TENM3: variants seen among roughly 807,000 people sequenced by gnomAD.
The protein encoded by TENM3 is teneurin transmembrane protein 3.
In TENM3, 63 loss-of-function variants were observed where a neutral mutation model predicts 255.1. The observed-to-expected ratio is 0.25, with a 90% CI of 0.20 to 0.30. The LOEUF (loss-of-function observed/expected upper bound fraction) is 0.30. Ranked by LOEUF, TENM3 falls within the 10% of genes least tolerant of loss-of-function variation. The pLI, the probability that TENM3 is intolerant of heterozygous loss-of-function variation, is 1.00. For synonymous variants in TENM3, 1,306 were observed against 1,322.3 expected, an observed-to-expected ratio of 0.99 and a Z score of 0.27; for missense variants, 2,929 against 3,461.1, an observed-to-expected ratio of 0.85 and a Z score of 3.86.
At chr4:182,214,962 C>T (rs1755354666) in intron 1 of TENM3, among the ~76,000 whole-genome samples, 1 of 152,162 alleles carries the variant, frequency 6.6e-6, no homozygotes, top group Non-Finnish European at 1.5e-5. Context: ...TATTCTAACA[C>T]CCTTTAACAA....
At chr4:182,603,898 C>A (rs1179898591) in intron 4 of TENM3, among the ~76,000 whole-genome samples, 1 of 151,744 alleles carries the variant, frequency 6.6e-6, no homozygotes, top group Middle Eastern at 3.2e-3. Flanking sequence ...CTATATTTTT[C>A]TCTTAGTTCC....
Position 182,207,784 on chromosome 4 carries a change from A to C in TENM3, c.-76+63030A>C, listed in dbSNP as rs181940402. On this transcript the variant is annotated intron_variant, in intron 1 of 2. Coordinates refer to the TENM3 transcript ENST00000512480. Reference sequence around the variant, plus strand: ...TAAAAATGCCGATTTTCTGGAAAACAGGAATTTATTATTGTCATCACTTTA... The same window carrying C: ...TAAAAATGCCGATTTTCTGGAAAACCGGAATTTATTATTGTCATCACTTTA... Among the ~76,000 whole-genome samples, 72 of 152,366 alleles carry C rather than the reference A, an allele frequency of 4.7e-4. 1 individual carries two copies. The highest frequency in any genetic ancestry group is 9.8e-4 in the Non-Finnish European group (67 of 68,038).
At chr4:182,626,621 G>C (rs564240840) in intron 4 of TENM3, among the ~76,000 whole-genome samples, 21 of 152,116 alleles carry the variant, frequency 1.4e-4, no homozygotes, top group Non-Finnish European at 2.9e-4. Flanking sequence ...AACTCAGACA[G>C]TGTTGTTTCA....
the TENM3 span, chr4:181,523,048 G>A: frequency 1.7e-6 from 1 of 595,904 alleles, no homozygotes; most frequent in African/African-American, 1.8e-5. Context: ...ATCGCAAACG[G>A]ACTCAGATTA....
chr4:181,718,027 G>C, the TENM3 span, among the ~76,000 whole-genome samples: 1 of 152,104 alleles, frequency 6.6e-6, no homozygotes, highest in South Asian at 2.1e-4. Flanking sequence ...TGCTAACTGA[G>C]AACACTGGGC....
At chr4:182,020,854 G>C in the TENM3 span, among the ~76,000 whole-genome samples, 2 of 151,992 alleles carry the variant, frequency 1.3e-5, no homozygotes, top group African/African-American at 4.8e-5. Context: ...AGCCTCACCT[G>C]GTACCACATC....
the TENM3 span, among the ~76,000 whole-genome samples, chr4:181,659,891 C>T: frequency 2.6e-5 from 4 of 152,184 alleles, no homozygotes; most frequent in South Asian, 6.2e-4. Context: ...TACAGAAAGA[C>T]GCTTTGAAAA....
the TENM3 span, among the ~76,000 whole-genome samples, chr4:181,704,796 G>A: frequency 6.6e-6 from 1 of 152,114 alleles, no homozygotes; most frequent in Admixed American, 6.5e-5. Flanking sequence ...ACTTTGGGGG[G>A]CCGAGGCGGG....
At chr4:181,482,745 T>C in the TENM3 span, among the ~76,000 whole-genome samples, 7 of 152,160 alleles carry the variant, frequency 4.6e-5, no homozygotes, top group Admixed American at 3.3e-4. Flanking sequence ...GCATATGTTT[T>C]GTCTCTGTAT....
chr4:181,834,950 A>G, the TENM3 span: 1 of 152,132 alleles, frequency 6.6e-6, no homozygotes, highest in African/African-American at 2.4e-5. Flanking sequence ...TCTGTAATAT[A>G]TTTTTTTAAA....
chr4:182,490,819 G>C (rs1378068114), intron 3 of TENM3, among the ~76,000 whole-genome samples: 1 of 152,158 alleles, frequency 6.6e-6, no homozygotes. Flanking sequence ...GCTCACACTG[G>C]ATGCTGAACT....
At position 182,161,791 on chromosome 4, in the gene TENM3, A is replaced by G. The variant is rs796728957; in HGVS notation, c.-76+17037A>G. ...TGTGTATATATATATACACAAATAT[A>G]TGTATATATATACACATATATATGT... On this transcript the variant is annotated intron_variant, in intron 1 of 2. Coordinates refer to the TENM3 transcript ENST00000512480. Among the ~76,000 whole-genome samples, 16 of 34,286 alleles carry G rather than the reference A, an allele frequency of 4.7e-4. 2 individuals are homozygous for G. Among genetic ancestry groups the G allele is most frequent in the African/African-American group, 1.4e-3 (9 of 6,538 alleles). 22.5% of individuals were successfully genotyped at this position (34,286 alleles called of 152,430 possible).
the TENM3 span, among the ~76,000 whole-genome samples, chr4:182,037,430 G>T: frequency 6.6e-6 from 1 of 152,148 alleles, no homozygotes; most frequent in Non-Finnish European, 1.5e-5. Context: ...TTACAGGCGT[G>T]AGCCACCATG....
the TENM3 span, among the ~76,000 whole-genome samples, chr4:181,825,579 C>T: frequency 6.6e-6 from 1 of 151,952 alleles, no homozygotes; most frequent in Admixed American, 6.6e-5. Context: ...TTAGGAAAGG[C>T]ATTATTAATT....
chr4:181,550,943 G>A, the TENM3 span, among the ~76,000 whole-genome samples: 8 of 77,848 alleles, frequency 1.0e-4, no homozygotes, highest in African/African-American at 2.0e-4. Flanking sequence ...ATTCCTGTAA[G>A]TCAGTGGGCT....
At chr4:182,507,322 C>T (rs1273548887) in intron 3 of TENM3, among the ~76,000 whole-genome samples, 1 of 152,078 alleles carries the variant, frequency 6.6e-6, no homozygotes, top group African/African-American at 2.4e-5. Flanking sequence ...GAGAATTTAC[C>T]AGCTTTACTG....
At chr4:181,643,259 A>G in the TENM3 span, among the ~76,000 whole-genome samples, 16 of 152,078 alleles carry the variant, frequency 1.1e-4, no homozygotes, top group Admixed American at 2.6e-4. Flanking sequence ...TAGGTATTTT[A>G]TTCTCTTTGT....
At chr4:181,853,667 G>T in the TENM3 span, among the ~76,000 whole-genome samples, 1 of 152,270 alleles carries the variant, frequency 6.6e-6, no homozygotes. Flanking sequence ...GCAGGATGTG[G>T]AGGCATCTGT....
intron 3 of TENM3, among the ~76,000 whole-genome samples, chr4:182,577,726 A>G (rs1745073660): frequency 2.0e-5 from 3 of 152,164 alleles, no homozygotes; most frequent in African/African-American, 7.2e-5. Context: ...TATTAGCGTG[A>G]ATATCTATGG....
Sources: allele counts gnomAD v4.1 joint callset (sites outside exome capture counted in the v4.1 genomes callset), GRCh38; gene constraint gnomAD v4.1.1; transcripts MANE v1.5; gene names NCBI Gene and HGNC (gene_info 2026-07-23, HGNC 2026-07-21).